Variants in NFIB observed in about 807,000 individuals in gnomAD.
NFIB encodes the protein nuclear factor I B, also known as nuclear factor 1 B-type.
A neutral mutation model predicts 61.5 loss-of-function variants in NFIB; 11 were observed. That is an observed-to-expected ratio of 0.18 (90% CI 0.11 to 0.30). NFIB has a LOEUF of 0.30. NFIB is among the 10% of genes least tolerant of loss of function. NFIB has a pLI of 1.00. For missense variants in NFIB, 471 were observed against 608.9 expected (o/e 0.77, Z 2.38); for synonymous variants, 260 against 216.5 (o/e 1.20, Z -1.76).
At chr9:14,263,790 T>A (rs942435619) in intron 2 of NFIB, among the ~76,000 whole-genome samples, 2 of 152,198 alleles carry the variant, frequency 1.3e-5, no homozygotes, top group East Asian at 3.8e-4. Context: ...GCCCATTCAA[T>A]AAAAGTGAAA....
intron 6 of NFIB, among the ~76,000 whole-genome samples, chr9:14,146,370 G>A (rs1403359361): frequency 6.6e-6 from 1 of 152,014 alleles, no homozygotes; most frequent in Admixed American, 6.6e-5. Flanking sequence ...GGATCTAATT[G>A]AATCACAGTT....
chr9:14,231,991 C>G (rs1340830621), intron 2 of NFIB, among the ~76,000 whole-genome samples: 1 of 152,184 alleles, frequency 6.6e-6, no homozygotes, highest in African/African-American at 2.4e-5. Flanking sequence ...GGGAAAGAAA[C>G]AAGGTCTTCG....
intron 1 of NFIB, among the ~76,000 whole-genome samples, chr9:14,367,166 A>G (rs1307728256): frequency 6.6e-6 from 1 of 152,172 alleles, no homozygotes; most frequent in South Asian, 2.1e-4. Context: ...GGGTATGGGA[A>G]TGCAAAACTA....
At chr9:14,266,863 T>C (rs1380549741) in intron 2 of NFIB, among the ~76,000 whole-genome samples, 1 of 152,234 alleles carries the variant, frequency 6.6e-6, no homozygotes, top group Admixed American at 6.5e-5. Flanking sequence ...ATTGATTTAT[T>C]ATTACAAATA....
At chr9:14,276,722 T>C (rs1203606674) in intron 2 of NFIB, among the ~76,000 whole-genome samples, 1 of 152,090 alleles carries the variant, frequency 6.6e-6, no homozygotes, top group Non-Finnish European at 1.5e-5. Flanking sequence ...TATCTGACTT[T>C]AAAAATAATA....
intron 2 of NFIB, among the ~76,000 whole-genome samples, chr9:14,271,315 C>T (rs1033975411): frequency 1.3e-4 from 20 of 151,836 alleles, no homozygotes; most frequent in Admixed American, 3.3e-4. Flanking sequence ...TTCAAGCCCA[C>T]GGATAGTTAT....
In NFIB at chr9:14,381,073, C is replaced by CAAAA. The variant is rs34848529; in HGVS notation, c.108+17447_108+17450dup. Among the ~76,000 whole-genome samples, 478 of 82,496 alleles carry CAAAA rather than the reference C, an allele frequency of 5.8e-3. 22 individuals are homozygous for CAAAA. Among genetic ancestry groups the CAAAA allele is most frequent in the African/African-American group, 0.016 (393 of 24,680 alleles). The allele number at this position is 82,496 out of a possible 152,430, so 54.1% of individuals were successfully genotyped here. A position where few individuals can be genotyped will look rare whatever the true frequency, so the allele number is the denominator to read the frequency against. On this transcript the variant is annotated intron_variant, in intron 1 of 8. Transcript: ENST00000380934. The stretch of plus-strand genomic sequence containing the variant: ...TGGGCAACAGAGCGAGACTCCGTCT[C>CAAAA]AAAAAAAAAAAAAAAAAAAAAAAGA...
chr9:14,167,798 C>A (rs2045058286), intron 3 of NFIB, among the ~76,000 whole-genome samples: 1 of 152,088 alleles, frequency 6.6e-6, no homozygotes, highest in East Asian at 1.9e-4. Flanking sequence ...GTTATCTTAC[C>A]AGGTTCCTCA....
chr9:14,245,252 T>C (rs2054783639), intron 2 of NFIB, among the ~76,000 whole-genome samples: 1 of 152,146 alleles, frequency 6.6e-6, no homozygotes, highest in Non-Finnish European at 1.5e-5. Context: ...ATTAGAAACA[T>C]CACAGTCACA....
At chr9:14,397,080 T>C (rs1264399562) in intron 1 of NFIB, among the ~76,000 whole-genome samples, 1 of 152,214 alleles carries the variant, frequency 6.6e-6, no homozygotes, top group African/African-American at 2.4e-5. Flanking sequence ...TAATAAATGA[T>C]TTATGTCCAA....
At chr9:14,366,226 A>G (rs2061298313) in intron 1 of NFIB, among the ~76,000 whole-genome samples, 3 of 152,188 alleles carry the variant, frequency 2.0e-5, no homozygotes, top group Admixed American at 2.0e-4. Context: ...TGCATTACGC[A>G]TACCAGAAGA....
intron 3 of NFIB, among the ~76,000 whole-genome samples, chr9:14,157,197 C>T (rs1209525216): frequency 6.6e-6 from 1 of 152,176 alleles, no homozygotes; most frequent in Non-Finnish European, 1.5e-5. Context: ...GCCAGTGGAA[C>T]CTGCGATCAG....
intron 1 of NFIB, among the ~76,000 whole-genome samples, chr9:14,372,204 C>A (rs553047879): frequency 1.4e-3 from 207 of 151,744 alleles, no homozygotes; most frequent in Non-Finnish European, 2.3e-3. Flanking sequence ...AAAAGCAGAA[C>A]GATTTTTCGT....
At chr9:14,096,808 A>G (rs182825492) in intron 10 of NFIB, among the ~76,000 whole-genome samples, 1 of 152,266 alleles carries the variant, frequency 6.6e-6, no homozygotes, top group Admixed American at 6.5e-5. Context: ...GAGCATGGTT[A>G]ATTTAGAGAT....
At chr9:14,378,085 G>A (rs996837840) in intron 1 of NFIB, among the ~76,000 whole-genome samples, 1 of 152,160 alleles carries the variant, frequency 6.6e-6, no homozygotes, top group Non-Finnish European at 1.5e-5. Flanking sequence ...GGCTTGTCTG[G>A]ATGAGACATT....
chr9:14,440,331 C>A, the NFIB span, among the ~76,000 whole-genome samples: 2 of 152,138 alleles, frequency 1.3e-5, no homozygotes, highest in Non-Finnish European at 2.9e-5. Flanking sequence ...CCCTGAAGTG[C>A]GGTCTAATTT....
chr9:14,419,190 G>T, the NFIB span, among the ~76,000 whole-genome samples: 2 of 149,116 alleles, frequency 1.3e-5, no homozygotes, highest in Non-Finnish European at 3.0e-5. Context: ...AATTGCTATG[G>T]AAAAAATCCT....
At chr9:14,500,581 T>C in the NFIB span, among the ~76,000 whole-genome samples, 4 of 152,202 alleles carry the variant, frequency 2.6e-5, no homozygotes, top group Non-Finnish European at 5.9e-5. Context: ...TTTATAATTA[T>C]ATTAACTGAC....
chr9:14,222,111 G>C (rs2051744244), intron 2 of NFIB, among the ~76,000 whole-genome samples: 1 of 152,116 alleles, frequency 6.6e-6, no homozygotes, highest in African/African-American at 2.4e-5. Flanking sequence ...CAGATCTTTT[G>C]ATATTGCAAA....
Sources: gnomAD v4.1 joint callset for allele counts (sites outside exome capture counted in the v4.1 genomes callset) on GRCh38, gnomAD v4.1.1 for gene constraint, MANE v1.5 for transcripts, NCBI Gene and HGNC (gene_info 2026-07-23, HGNC 2026-07-21) for gene names.